The following GGT6 variants were observed in gnomAD, a reference collection of about 807,000 sequenced individuals.
GGT6 encodes the protein gamma-glutamyltransferase 6, also known as glutathione hydrolase 6.
GGT6 carries 13 observed loss-of-function variants against 17.0 expected under a neutral mutation model. The observed-to-expected ratio is 0.77, with a 90% CI of 0.50 to 1.22. The LOEUF (loss-of-function observed/expected upper bound fraction) is 1.22, where lower values mean the gene tolerates loss of function less well. GGT6 is among the 50% of genes most tolerant of loss of function. GGT6 has a pLI of 0.00. For synonymous variants in GGT6, 305 were observed against 297.9 expected (o/e 1.02, Z -0.25); for missense variants, 628 against 643.7 (o/e 0.98, Z 0.26).
chr17:4,559,517 CT>C (rs1908473865), intron 2 of GGT6, 40 bp downstream of exon 2: 1 of 1,595,506 alleles, frequency 6.3e-7, no homozygotes, highest in African/African-American at 1.3e-5. Flanking sequence ...CTGGTGACCC[CT>C]GACCCTCCCC....
downstream of GGT6, among the ~76,000 whole-genome samples, chr17:4,556,424 G>A (rs887887007): frequency 7.2e-5 from 11 of 152,162 alleles, no homozygotes; most frequent in African/African-American, 2.7e-4. Flanking sequence ...ACATTGTGGT[G>A]CCATTACGGA....
At chr17:4,559,898 G>A (rs1908515692) in intron 1 of GGT6, 138 bp from the exon 2 acceptor site, 1 of 724,826 alleles carries the variant, frequency 1.4e-6, no homozygotes, top group South Asian at 1.8e-5. Flanking sequence ...GGGCTTCTTG[G>A]CAGCGGGTGC....
chr17:4,559,592 G>T lies in GGT6; in HGVS notation c.309C>A (p.Gly103=), dbSNP rs754480140. The part of the protein sequence containing the change: ...PPPGGHSHGP[G]VYHHGAIISP... ...TGATGATGGCACCGTGGTGGTATACGCCAGGGCCGTGGGAGTGTCCGCCGG... is the reference window on the plus strand; with the variant it reads ...TGATGATGGCACCGTGGTGGTATACTCCAGGGCCGTGGGAGTGTCCGCCGG... The change falls in exon 2 of 4, where the codon GGC becomes GGA. Residue 103 remains glycine (G), a synonymous_variant. Transcript: ENST00000381550. 6.2e-7 allele frequency: 1 copy of T among 1,613,750 alleles called. No individual in the cohort carries two copies. Among genetic ancestry groups the T allele is most frequent in the Non-Finnish European group, 8.5e-7 (1 of 1,179,994 alleles).
At position 4,559,005 on chromosome 17, in the gene GGT6, G is replaced by A; in HGVS notation, c.510C>T (p.Ala170=). The A allele has an allele frequency of 1.3e-6, 2 of 1,545,080 alleles. No homozygotes were observed. Among genetic ancestry groups the A allele is most frequent in the Non-Finnish European group, 8.7e-7 (1 of 1,146,970 alleles). The change falls in exon 4 of 4, where the codon GCC becomes GCT. Residue 170 remains alanine, a synonymous_variant. Coordinates refer to ENST00000381550, the MANE Select transcript of GGT6 (RefSeq NM_001288702.2). Reference sequence around the variant, plus strand: ...GGGTCTGTGCTGGGCCTGATGTCAGGGCCGTGGAATTGCCTGAGGAGCTAT... The same window carrying A: ...GGGTCTGTGCTGGGCCTGATGTCAGAGCCGTGGAATTGCCTGAGGAGCTAT... ...FHDSSSGNST[A]LTSGPAQTLA... is the part of the protein sequence containing the mutation.
rs1908281208 is a variant in GGT6, at chr17:4,557,949, G to A, written c.*66C>T. On this transcript the variant is annotated 3_prime_UTR_variant, in exon 4 of 4. Transcript: ENST00000381550. ...CGGGTGCACACTCCATTGCTGCTGT[G>A]TCTGCTCTGCTCCTGCCCCCATGCT... 2.8e-6 allele frequency: 3 copies of A among 1,086,590 alleles called. No homozygotes were observed. Among genetic ancestry groups the A allele is most frequent in the African/African-American group, 1.6e-5 (1 of 63,272 alleles). 67.3% of individuals were successfully genotyped at this position (1,086,590 alleles called of 1,614,324 possible).
At position 4,557,281 on chromosome 17, in the gene GGT6, C is replaced by CA. The variant is rs1470465789; in HGVS notation, c.*733_*734insT. The CA allele has an allele frequency of 4.6e-5, 7 of 151,178 alleles. No homozygotes were observed. The highest frequency in any genetic ancestry group is 7.4e-5 in the Non-Finnish European group (5 of 67,888). The allele number at this position is 151,178 out of a possible 1,614,324, so 9.4% of individuals were successfully genotyped here. On this transcript the variant is annotated 3_prime_UTR_variant, in exon 4 of 4. Coordinates refer to ENST00000381550, the MANE Select transcript of GGT6 (RefSeq NM_001288702.2). ...TAACTTAAAAGGCCAGAGGTTGGGGCCTGAGCCAGCAGTGAGCACATAATA... is the reference window on the plus strand; with the variant it reads ...TAACTTAAAAGGCCAGAGGTTGGGGCACTGAGCCAGCAGTGAGCACATAATA...
rs76569384 is a variant in GGT6, at chr17:4,559,946, A to T, written c.141-186T>A. 2.8e-3 allele frequency: 1,714 copies of T among 619,230 alleles called. 23 individuals carry two copies. The highest frequency in any genetic ancestry group is 0.028 in the African/African-American group (1,499 of 54,418). The allele number at this position is 619,230 out of a possible 1,614,324, so 38.4% of individuals were successfully genotyped here. A position where few individuals can be genotyped will look rare whatever the true frequency, so the allele number is the denominator to read the frequency against. ...CATGGGGATGGGAAAGCATCTGGGG[A>T]AACTGAGCCTAGCTAGGGAGGGAGC... On this transcript the variant is annotated intron_variant, in intron 1 of 3. Transcript: ENST00000381550.
At chr17:4,556,207 G>C (rs538182342), downstream of GGT6, among the ~76,000 whole-genome samples, 1 of 152,344 alleles carries the variant, frequency 6.6e-6, no homozygotes, top group South Asian at 2.1e-4. Context: ...ACAAGATGAT[G>C]CTGGCTGCTG....
downstream of GGT6, among the ~76,000 whole-genome samples, chr17:4,556,661 T>C (rs1289208873): frequency 6.6e-6 from 1 of 152,234 alleles, no homozygotes; most frequent in Non-Finnish European, 1.5e-5. Context: ...CCAACCCCTT[T>C]GTACCCAAGC....
intron 1 of GGT6, chr17:4,559,969 A>G: frequency 1.7e-6 from 1 of 603,728 alleles, no homozygotes; most frequent in South Asian, 2.0e-5. Context: ...CTAGGGAGGG[A>G]GCCTCTGGAG....
rs2144538978 is a variant in GGT6, at chr17:4,558,700, G to A, written c.815C>T (p.Thr272Ile). The A allele has an allele frequency of 6.2e-7, 1 of 1,608,096 alleles. No homozygotes were observed. The highest frequency in any genetic ancestry group is 8.5e-7 in the Non-Finnish European group (1 of 1,177,764). Residue 272 changes from threonine (T) to isoleucine (I), a missense_variant, in exon 4 of 4, where the codon ACC (threonine) becomes ATC (isoleucine). Physicochemically the swap from Thr to Ile is moderately conservative, Grantham distance 89. Coordinates refer to ENST00000381550, the MANE Select transcript of GGT6 (RefSeq NM_001288702.2). ...AVLRSAALAP[T>I]SDLAGDALLS... ...TAGAGCATCCCCAGCAAGGTCTGAG[G>A]TGGGAGCGAGGGCTGCGCTGCGAAG...
rs757340330 is a variant in GGT6 at position 4,558,923 on chromosome 17, G to T, written c.592C>A (p.Arg198Ser). The T allele has an allele frequency of 1.3e-6, 2 of 1,549,382 alleles. No individual in the cohort carries two copies. Among genetic ancestry groups the T allele is most frequent in the South Asian group, 1.2e-5 (1 of 83,992 alleles). ...ALPTLHLLHA[R>S]FGRLPWPRLL... is the part of the protein sequence containing the mutation. ...CGTGGCCAGGGCAGGCGGCCGAAGC[G>T]TGCATGCAGCAGGTGCAGGGTGGGC... The change falls in exon 4 of 4, where the codon CGC becomes AGC. Residue 198 changes from arginine to serine, a missense_variant. Coordinates refer to ENST00000381550, the MANE Select transcript of GGT6 (RefSeq NM_001288702.2).
In GGT6 at chr17:4,560,473, C is replaced by G; in HGVS notation, c.49G>C (p.Glu17Gln). 6.2e-7 allele frequency: 1 copy of G among 1,613,736 alleles called. No individual in the cohort carries two copies. Among genetic ancestry groups the G allele is most frequent in the Non-Finnish European group, 8.5e-7 (1 of 1,180,020 alleles). ...TCCTCCTCCGACTCCAAGCTTGGCT[C>G]CCAGGGCAGCAGCTTCTGATAGACC... ...PVVYQKLLPW[E>Q]PSLESEEEVE... Residue 17 changes from glutamate (E) to glutamine (Q), a missense_variant, in exon 1 of 4, where the codon GAG becomes CAG. By Grantham distance (29) the Glu-to-Gln change is conservative (BLOSUM62 2). Coordinates refer to ENST00000381550, the MANE Select transcript of GGT6 (RefSeq NM_001288702.2).
chr17:4,559,851 G>T, intron 1 of GGT6, 91 bp from the exon 2 acceptor site: 1 of 1,226,582 alleles, frequency 8.2e-7, no homozygotes, highest in African/African-American at 1.5e-5. Context: ...CAAAAGGTTT[G>T]ATTTAGCAAG....
rs764113356 is a variant in GGT6 at position 4,560,536 on chromosome 17, C to T, written c.-15G>A. On this transcript the variant is annotated 5_prime_UTR_variant, in exon 1 of 4. Transcript: ENST00000381550. Reference sequence around the variant, plus strand: ...GCCCGCTCCATGGCCCCCCAGTGCTCGCCCCAGCCCTCCTGCCTGCCAGCC... The same window carrying T: ...GCCCGCTCCATGGCCCCCCAGTGCTTGCCCCAGCCCTCCTGCCTGCCAGCC... 12 of 1,607,124 alleles carry T rather than the reference C, an allele frequency of 7.5e-6. No individual in the cohort carries two copies. Among genetic ancestry groups the T allele is most frequent in the East Asian group, 2.2e-5 (1 of 44,884 alleles).
At position 4,559,061 on chromosome 17, in the gene GGT6, C is replaced by A; in HGVS notation, c.458-4G>T. The A allele has an allele frequency of 6.5e-7, 1 of 1,540,120 alleles. No individual in the cohort carries two copies. Among genetic ancestry groups the A allele is most frequent in the Non-Finnish European group, 8.7e-7 (1 of 1,146,878 alleles). ...AAGAGGCCCCAAAACATGGCACCTGCAGGAGACAGAGGGGTCCCTCAGCAG... is the reference window on the plus strand; with the variant it reads ...AAGAGGCCCCAAAACATGGCACCTGAAGGAGACAGAGGGGTCCCTCAGCAG... On this transcript the variant is annotated splice_polypyrimidine_tract_variant and splice_region_variant and intron_variant, in intron 3 of 3. Transcript: ENST00000381550.
downstream of GGT6, among the ~76,000 whole-genome samples, chr17:4,556,492 CAG>C (rs1249723145): frequency 6.6e-6 from 1 of 152,144 alleles, no homozygotes; most frequent in East Asian, 1.9e-4. Flanking sequence ...TCTATTAAAT[CAG>C]AGAAGCCTTT....
Position 4,558,247 on chromosome 17 carries a change from C to T in GGT6, c.1268G>A (p.Gly423Glu). 1 of 1,614,136 alleles carries T rather than the reference C, an allele frequency of 6.2e-7. No homozygotes were observed. Among genetic ancestry groups the T allele is most frequent in the Non-Finnish European group, 8.5e-7 (1 of 1,180,030 alleles). ...SLDDTEADVLGLVASGTPDVA... is the reference protein window; with the variant it reads ...SLDDTEADVLELVASGTPDVA... The stretch of plus-strand genomic sequence containing the variant: ...ATCAGGGGTCCCTGAAGCCACAAGC[C>T]CCAACACATCAGCCTCTGTGTCATC... Residue 423 changes from glycine (G) to glutamate (E), a missense_variant, in exon 4 of 4, where the codon GGG (glycine) becomes GAG (glutamate). Coordinates refer to ENST00000381550, the MANE Select transcript of GGT6 (RefSeq NM_001288702.2).
rs993684324 is a variant in GGT6, at chr17:4,557,728, C to T, written c.*287G>A. The T allele has an allele frequency of 1.2e-4, 38 of 319,288 alleles. No individual in the cohort carries two copies. The highest frequency in any genetic ancestry group is 1.1e-3 in the Admixed American group (25 of 22,196). 19.8% of individuals were successfully genotyped at this position (319,288 alleles called of 1,614,324 possible). A position where few individuals can be genotyped will look rare whatever the true frequency, so the allele number is the denominator to read the frequency against. On this transcript the variant is annotated 3_prime_UTR_variant, in exon 4 of 4. Transcript: ENST00000381550. ...GCAGCCTTGAACTCCTGAGCTCAAGCGAGCTTCCTGCCTCAGCCTCCCAAG... is the reference window on the plus strand; with the variant it reads ...GCAGCCTTGAACTCCTGAGCTCAAGTGAGCTTCCTGCCTCAGCCTCCCAAG...
Sources: allele counts gnomAD v4.1 joint callset (sites outside exome capture counted in the v4.1 genomes callset), GRCh38; gene constraint gnomAD v4.1.1; transcripts MANE v1.5; gene names NCBI Gene and HGNC (gene_info 2026-07-23, HGNC 2026-07-21).